Variants in CSMD3 observed in about 807,000 individuals in gnomAD.
CSMD3 encodes the protein CUB and sushi domain-containing protein 3.
Under a neutral mutation model 435.2 loss-of-function variants are expected in CSMD3, and 177 were observed. The observed-to-expected ratio is 0.41, with a 90% CI of 0.36 to 0.46. CSMD3 has a LOEUF of 0.46. Ranked by LOEUF, CSMD3 falls within the 20% of genes least tolerant of loss-of-function variation. The pLI is 0.34. For synonymous variants in CSMD3, 1,656 were observed against 1,520.5 expected (o/e 1.09, Z -2.07); for missense variants, 4,265 against 4,504.6 (o/e 0.95, Z 1.52).
intron 1 of CSMD3, among the ~76,000 whole-genome samples, chr8:113,380,803 G>A (rs2094411848): frequency 6.6e-6 from 1 of 152,162 alleles, no homozygotes; most frequent in Admixed American, 6.5e-5. Context: ...TGCTGTCTTT[G>A]ATATGTGCCA....
intron 4 of CSMD3, 55 bp from the exon 5 acceptor site, chr8:113,099,018 T>C: frequency 8.4e-7 from 1 of 1,194,258 alleles, no homozygotes; most frequent in Non-Finnish European, 1.2e-6. Context: ...ATGCAATTGT[T>C]CAGTTGTAAG....
intron 1 of CSMD3, among the ~76,000 whole-genome samples, chr8:113,412,819 C>A (rs1018422180): frequency 6.7e-6 from 1 of 149,536 alleles, no homozygotes; most frequent in East Asian, 2.0e-4. Context: ...TAAAAAAAAA[C>A]AAACCAAAGC....
At chr8:112,975,640 A>G (rs2084817382) in intron 7 of CSMD3, among the ~76,000 whole-genome samples, 197 bp downstream of exon 7, 1 of 151,736 alleles carries the variant, frequency 6.6e-6, no homozygotes, top group Non-Finnish European at 1.5e-5. Context: ...ACTTTGACTT[A>G]TTTTTAAATT....
chr8:112,795,873 A>G (rs1023863708), intron 13 of CSMD3, among the ~76,000 whole-genome samples: 5 of 152,192 alleles, frequency 3.3e-5, no homozygotes, highest in African/African-American at 1.2e-4. Context: ...CAAGTATACA[A>G]AAATCAAAAA....
intron 5 of CSMD3, among the ~76,000 whole-genome samples, chr8:113,031,685 A>G (rs907303642): frequency 6.6e-6 from 1 of 151,740 alleles, no homozygotes; most frequent in Non-Finnish European, 1.5e-5. Flanking sequence ...TCAGTTCAGT[A>G]GATTGTAATT....
chr8:112,423,724 A>G (rs758531567), intron 32 of CSMD3, among the ~76,000 whole-genome samples: 11 of 152,192 alleles, frequency 7.2e-5, no homozygotes, highest in Non-Finnish European at 1.0e-4. Context: ...GTATACTAAT[A>G]TGCTGAAAGA....
At chr8:113,349,344 G>A (rs966583837) in intron 1 of CSMD3, among the ~76,000 whole-genome samples, 3 of 152,112 alleles carry the variant, frequency 2.0e-5, no homozygotes, top group Non-Finnish European at 4.4e-5. Flanking sequence ...ATGTCTTACA[G>A]CAAAAGAATT....
intron 8 of CSMD3, among the ~76,000 whole-genome samples, chr8:112,953,962 T>C (rs1025127192): frequency 4.0e-5 from 6 of 151,526 alleles, no homozygotes; most frequent in African/African-American, 1.2e-4. Context: ...AAGTTTCTAA[T>C]ATGCAACAGT....
At chr8:112,781,500 C>A (rs1021102380) in intron 13 of CSMD3, among the ~76,000 whole-genome samples, 3 of 152,076 alleles carry the variant, frequency 2.0e-5, no homozygotes, top group African/African-American at 7.2e-5. Flanking sequence ...CAGAAAGAAA[C>A]CAACCACCTG....
At chr8:113,098,454 C>T (rs1424056041) in intron 5 of CSMD3, 1 of 369,792 alleles carries the variant, frequency 2.7e-6, no homozygotes, top group Non-Finnish European at 5.0e-6. Context: ...AAAATTACTT[C>T]CAAGACTATT....
chr8:113,040,951 C>A (rs2087581337), intron 5 of CSMD3, among the ~76,000 whole-genome samples: 1 of 151,934 alleles, frequency 6.6e-6, no homozygotes, highest in Non-Finnish European at 1.5e-5. Flanking sequence ...CACCTGTAAT[C>A]CCAGCACTTT....
intron 5 of CSMD3, among the ~76,000 whole-genome samples, chr8:113,031,716 G>T (rs180770764): frequency 1.6e-4 from 24 of 151,724 alleles, no homozygotes; most frequent in African/African-American, 4.8e-4. Flanking sequence ...TTTTCTTGTT[G>T]TAATATTGTG....
At chr8:112,496,055 C>T (rs187917186) in intron 30 of CSMD3, among the ~76,000 whole-genome samples, 85 of 151,948 alleles carry the variant, frequency 5.6e-4, no homozygotes, top group African/African-American at 2.0e-3. Flanking sequence ...CTGCAAGCTC[C>T]GCCTCTCCGG....
chr8:112,415,898 A>G (rs186397982), intron 32 of CSMD3, among the ~76,000 whole-genome samples: 641 of 152,296 alleles, frequency 4.2e-3, no homozygotes, highest in Non-Finnish European at 6.5e-3. Flanking sequence ...GTATTTGCCA[A>G]ATGCCTGTAC....
At chr8:112,231,979 A>G (rs1313567267) in intron 68 of CSMD3, among the ~76,000 whole-genome samples, 1 of 152,196 alleles carries the variant, frequency 6.6e-6, no homozygotes, top group African/African-American at 2.4e-5. Flanking sequence ...TTACTGTTCC[A>G]CATCCCCACT....
chr8:112,522,895 A>T (rs1372771310), intron 27 of CSMD3, among the ~76,000 whole-genome samples: 1 of 151,860 alleles, frequency 6.6e-6, no homozygotes, highest in East Asian at 1.9e-4. Context: ...CTTAATATAG[A>T]TTTCACAAGC....
At chr8:112,641,317 T>A (rs1418856268) in intron 20 of CSMD3, among the ~76,000 whole-genome samples, 2 of 152,094 alleles carry the variant, frequency 1.3e-5, no homozygotes, top group Admixed American at 6.6e-5. Flanking sequence ...GGTCAATTAA[T>A]CCAAATAAGA....
At chr8:112,665,343 G>T (rs2075495855) in intron 17 of CSMD3, among the ~76,000 whole-genome samples, 1 of 152,046 alleles carries the variant, frequency 6.6e-6, no homozygotes, top group Non-Finnish European at 1.5e-5. Context: ...TAACGTTTTT[G>T]TTTTAACAGT....
chr8:112,898,633 TTAAAA>T (rs1377764058), intron 10 of CSMD3, among the ~76,000 whole-genome samples: 3 of 151,344 alleles, frequency 2.0e-5, no homozygotes, highest in East Asian at 2.0e-4. Context: ...GGTTTCAATA[TTAAAA>T]TAAAATAAAA....
Sources: allele counts gnomAD v4.1 joint callset (sites outside exome capture counted in the v4.1 genomes callset), GRCh38; gene constraint gnomAD v4.1.1; transcripts MANE v1.5; gene names NCBI Gene and HGNC (gene_info 2026-07-23, HGNC 2026-07-21).